Variants in MYO18A observed in about 807,000 individuals in gnomAD.
MYO18A encodes the protein myosin XVIIIA.
Under a neutral mutation model 235.8 loss-of-function variants are expected in MYO18A, and 78 were observed. The ratio of observed to expected loss-of-function variants is 0.33; its 90% confidence interval spans 0.28 to 0.40. The LOEUF is 0.40. Among genes scored for constraint, MYO18A ranks in the 10% least tolerant of loss-of-function variants. The pLI, the probability that MYO18A is intolerant of heterozygous loss-of-function variation, is 1.00. For synonymous variants in MYO18A, 977 were observed against 1,077.8 expected (o/e 0.91, Z 1.83); for missense variants, 2,215 against 2,699.3 (o/e 0.82, Z 3.98).
chr17:29,099,066 G>T, intron 22 of MYO18A, 97 bp from the exon 23 acceptor site: 1 of 1,496,966 alleles, frequency 6.7e-7, no homozygotes, highest in Non-Finnish European at 9.1e-7. Context: ...GGCCCCCAGG[G>T]CTGCTCCTCT....
intron 14 of MYO18A, 71 bp downstream of exon 14, chr17:29,114,836 C>T (rs537554646): frequency 7.4e-6 from 11 of 1,495,948 alleles, no homozygotes; most frequent in Middle Eastern, 1.8e-4. Context: ...CCTTCTGCAT[C>T]CACAGATGCC....
chr17:29,089,675 G>A (rs2066348657), intron 37 of MYO18A, among the ~76,000 whole-genome samples: 1 of 152,188 alleles, frequency 6.6e-6, no homozygotes, highest in African/African-American at 2.4e-5. Flanking sequence ...ACAGGCGGGG[G>A]GAGCTCGTGG....
At chr17:29,177,610 C>T (rs760714730) in intron 1 of MYO18A, among the ~76,000 whole-genome samples, 1 of 152,070 alleles carries the variant, frequency 6.6e-6, no homozygotes. Flanking sequence ...CTTAAAGCAC[C>T]CGGGGGTCTG....
chr17:29,085,612 C>T lies in MYO18A; in HGVS notation c.5889G>A (p.Lys1963=), dbSNP rs368387084. ...TGCGCTCCAGTCCTCACAGTTTATT[C>T]TTTCTTTTCTGATACTTTGTCACCA... is the stretch of plus-strand genomic sequence containing the variant. ...QDMVTKYQKR[K]NKLEGDSDVD... is the part of the protein sequence containing the mutation. Residue 1963 remains lysine (K), a synonymous_variant, in exon 40 of 42, where the codon AAG becomes AAA. Transcript: ENST00000527372. 6.2e-7 allele frequency: 1 copy of T among 1,613,996 alleles called. No homozygotes were observed. The highest frequency in any genetic ancestry group is 8.5e-7 in the Non-Finnish European group (1 of 1,179,876).
intron 30 of MYO18A, 122 bp downstream of exon 30, chr17:29,094,528 G>T: frequency 1.0e-6 from 1 of 973,856 alleles, no homozygotes; most frequent in Non-Finnish European, 1.6e-6. Flanking sequence ...TTGTGAGTAG[G>T]TGAGTGAGTG....
At chr17:29,130,528 A>ACACACACAC (rs2067446956) in intron 2 of MYO18A, among the ~76,000 whole-genome samples, 3 of 128,800 alleles carry the variant, frequency 2.3e-5, no homozygotes, top group Admixed American at 7.7e-5. Flanking sequence ...ACACACACAC[A>ACACACACAC]ACCCTTTCAA....
At chr17:29,116,725 TCCCCCCCCCCCCC>T (rs969314500) in intron 10 of MYO18A, among the ~76,000 whole-genome samples, 2 of 3,570 alleles carry the variant, frequency 5.6e-4, no homozygotes, top group Admixed American at 6.6e-3. Context: ...AAACACACCC[TCCCCCCCCCCCCC>T]CCCCCCCGCC....
chr17:29,156,343 C>A (rs1481352562), intron 2 of MYO18A, among the ~76,000 whole-genome samples: 1 of 152,198 alleles, frequency 6.6e-6, no homozygotes, highest in Admixed American at 6.5e-5. Flanking sequence ...AAGCCTGGCA[C>A]CTTCATGTGG....
Position 29,094,667 on chromosome 17 carries a change from T to C in MYO18A, c.4693A>G (p.Ile1565Val), listed in dbSNP as rs1375835761. Residue 1565 changes from isoleucine to valine, a missense_variant, in exon 30 of 42, where the codon ATC becomes GTC. Transcript: ENST00000527372. ...TCCTGTACCTGTTCCAGCATCTGGATGGTCCCTGCCTGCTCATCCAGCTCT... is the reference window on the plus strand; with the variant it reads ...TCCTGTACCTGTTCCAGCATCTGGACGGTCCCTGCCTGCTCATCCAGCTCT... ...EEELDEQAGTIQMLEQAKLRL... is the reference protein window; with the variant it reads ...EEELDEQAGTVQMLEQAKLRL... 1 of 1,614,056 alleles carries C rather than the reference T, an allele frequency of 6.2e-7. No homozygotes were observed. The highest frequency in any genetic ancestry group is 8.5e-7 in the Non-Finnish European group (1 of 1,179,904).
Position 29,111,819 on chromosome 17 carries a change from C to G in MYO18A, c.2643G>C (p.Trp881Cys), listed in dbSNP as rs746131583. 1 of 1,613,804 alleles carries G rather than the reference C, an allele frequency of 6.2e-7. No individual in the cohort carries two copies. The highest frequency in any genetic ancestry group is 8.5e-7 in the Non-Finnish European group (1 of 1,179,752). ...GCACCAGAGCCTCCTCTTCCAATAGCCAGAGCAGGCCCCTCGCCTCGTCTG... is the reference window on the plus strand; with the variant it reads ...GCACCAGAGCCTCCTCTTCCAATAGGCAGAGCAGGCCCCTCGCCTCGTCTG... ...ARTDEARGLLWLLEEEALVPG... is the reference protein window; with the variant it reads ...ARTDEARGLLCLLEEEALVPG... Residue 881 changes from tryptophan to cysteine, a missense_variant, in exon 16 of 42, where the codon TGG becomes TGC. By Grantham distance (215) the Trp-to-Cys change is radical. Transcript: ENST00000527372. The surrounding 1 kb of genome is among the most constrained non-coding windows in gnomAD (Gnocchi z 5.1).
At chr17:29,160,024 G>A (rs1042285899) in intron 2 of MYO18A, among the ~76,000 whole-genome samples, 3 of 152,220 alleles carry the variant, frequency 2.0e-5, no homozygotes, top group Admixed American at 2.0e-4. Context: ...CAGGAGCAAG[G>A]ATGGGTGAAC....
intron 40 of MYO18A, among the ~76,000 whole-genome samples, chr17:29,082,663 T>A (rs1206457076): frequency 6.6e-6 from 1 of 151,698 alleles, no homozygotes; most frequent in Non-Finnish European, 1.5e-5. Context: ...AAGAAGACCC[T>A]CAGGAGCATG....
chr17:29,162,050 A>C (rs935696991), intron 2 of MYO18A, among the ~76,000 whole-genome samples: 3 of 152,112 alleles, frequency 2.0e-5, no homozygotes, highest in African/African-American at 7.2e-5. Context: ...GGCCCCTACC[A>C]GTGGGTCACC....
chr17:29,074,863 G>A lies in MYO18A; in HGVS notation c.6072C>T (p.His2024=), dbSNP rs567111157. ...GTCTGGAGGTGTTGTCGAGAGGGTC[G>A]TGCTCATCATCTGACCGATCAGGGG... is the stretch of plus-strand genomic sequence containing the variant. The part of the protein sequence containing the change: ...SLAPDRSDDE[H]DPLDNTSRPR... Residue 2024 remains histidine (H), a synonymous_variant, in exon 42 of 42, where the codon CAC becomes CAT. Transcript: ENST00000527372. The surrounding 1 kb of genome is among the most constrained non-coding windows in gnomAD (Gnocchi z 4.4). The A allele has an allele frequency of 2.1e-5, 34 of 1,613,926 alleles. No homozygotes were observed. Among genetic ancestry groups the A allele is most frequent in the African/African-American group, 1.9e-4 (14 of 75,032 alleles).
At chr17:29,128,025 C>G (rs2067366894) in intron 2 of MYO18A, 3 of 1,013,794 alleles carry the variant, frequency 3.0e-6, no homozygotes, top group Non-Finnish European at 3.5e-6. Context: ...TCTGCCCAGT[C>G]TGGGGAGCCT....
chr17:29,093,100 C>T (rs928446187), intron 32 of MYO18A, 99 bp from the exon 33 acceptor site: 25 of 1,454,460 alleles, frequency 1.7e-5, no homozygotes, highest in Non-Finnish European at 2.1e-5. Flanking sequence ...ATCAGTGTCC[C>T]CATAAGGATG....
intron 2 of MYO18A, among the ~76,000 whole-genome samples, chr17:29,130,474 CCACACACACACACACACA>C (rs71135871): frequency 0.055 from 7,759 of 142,194 alleles, 477 homozygotes; most frequent in African/African-American, 0.14. Flanking sequence ...GAGGCCTCTC[CCACACACACACACACACA>C]CACACACACA....
chr17:29,123,550 T>C lies in MYO18A; in HGVS notation c.1000-1297A>G, dbSNP rs1185190266. 2.0e-5 allele frequency among the ~76,000 whole-genome samples: 3 copies of C among 152,334 alleles called. No individual in the cohort carries two copies. The Middle Eastern group carries it at 0.01, about 518-fold the overall frequency. The stretch of plus-strand genomic sequence containing the variant: ...CTCTCCTCTCAGGTTGGCTTCTGGC[T>C]TTAGACAGATCCCTCCAGTGCTGGA... On this transcript the variant is annotated intron_variant, in intron 2 of 41. Coordinates refer to ENST00000527372, the MANE Select transcript of MYO18A (RefSeq NM_078471.4).
intron 22 of MYO18A, among the ~76,000 whole-genome samples, 165 bp from the exon 23 acceptor site, chr17:29,099,134 C>T (rs1159312861): frequency 3.9e-5 from 6 of 152,182 alleles, no homozygotes; most frequent in African/African-American, 1.4e-4. Context: ...AGGCTCACTC[C>T]GTCCCTCAAA....
Sources: allele counts gnomAD v4.1 joint callset (sites outside exome capture counted in the v4.1 genomes callset), GRCh38; gene constraint gnomAD v4.1.1; non-coding constraint Gnocchi (gnomAD v3.1); transcripts MANE v1.5; gene names NCBI Gene and HGNC (gene_info 2026-07-23, HGNC 2026-07-21).